Variants in ACADM observed in about 807,000 individuals in gnomAD.
The protein encoded by ACADM is medium-chain specific acyl-CoA dehydrogenase, mitochondrial.
ACADM carries 49 observed loss-of-function variants against 58.9 expected under a neutral mutation model. That is an observed-to-expected ratio of 0.83 (90% CI 0.66 to 1.06). The LOEUF (loss-of-function observed/expected upper bound fraction) is 1.06, where lower values mean the gene tolerates loss of function less well. Ranked by LOEUF, ACADM falls within the 50% of genes least tolerant of loss-of-function variation. ACADM has a pLI of 0.00. For missense variants in ACADM, 496 were observed against 507.0 expected (o/e 0.98, Z 0.21); for synonymous variants, 160 against 157.7 (o/e 1.01, Z -0.11).
rs1479877173 is a variant in ACADM, at chr1:75,761,201, G to A, written c.1025G>A (p.Trp342Ter). 1 of 1,614,122 alleles carries A rather than the reference G, an allele frequency of 6.2e-7. No homozygotes were observed. Residue 342 changes from tryptophan (W) to a stop codon, truncating the protein, a stop_gained, in exon 11 of 12, where the codon TGG becomes TAG. Coordinates refer to ENST00000370841, the MANE Select transcript of ACADM (RefSeq NM_000016.6). LOFTEE classifies it high-confidence loss of function. Reference sequence around the variant, plus strand: ...AGAATGAGTTACCAGAGAGCAGCTTGGGAGGTTGATTCTGGTCGTCGAAAT... The same window carrying A: ...AGAATGAGTTACCAGAGAGCAGCTTAGGAGGTTGATTCTGGTCGTCGAAAT... ...LARMSYQRAA[W>*]EVDSGRRNTY...
At chr1:75,730,884 T>G (rs1647136738) in intron 2 of ACADM, among the ~76,000 whole-genome samples, 1 of 152,068 alleles carries the variant, frequency 6.6e-6, no homozygotes, top group Non-Finnish European at 1.5e-5. Context: ...ATCTTAGAAG[T>G]AAAGCTGTGA....
rs1209604407 is a variant in ACADM at position 75,737,281 on chromosome 1, TATATA to T, written c.468+2411_468+2415del. Among the ~76,000 whole-genome samples the T allele has an allele frequency of 4.6e-3, 92 of 20,102 alleles. 4 individuals carry two copies. Among genetic ancestry groups the T allele is most frequent in the African/African-American group, 9.7e-3 (88 of 9,040 alleles). The allele number at this position is 20,102 out of a possible 152,430, so 13.2% of individuals were successfully genotyped here. A position where few individuals can be genotyped will look rare whatever the true frequency, so the allele number is the denominator to read the frequency against. On this transcript the variant is annotated intron_variant, in intron 6 of 11. Transcript: ENST00000370841. ...GACTGCCACCACACACACACACAAA[TATATA>T]TATATATATATATATATATATATAT...
intron 7 of ACADM, chr1:75,743,411 G>T: frequency 6.2e-7 from 1 of 1,608,934 alleles, no homozygotes; most frequent in Non-Finnish European, 8.5e-7. Context: ...GGGTGTGTGG[G>T]TTCCTCCTAA....
chr1:75,743,129 G>A (rs1485026140), intron 7 of ACADM, among the ~76,000 whole-genome samples: 3 of 152,116 alleles, frequency 2.0e-5, no homozygotes. Flanking sequence ...TCTTTGCAGA[G>A]AGCTGATGGA....
In ACADM at chr1:75,762,817, C is replaced by T; in HGVS notation, c.*54C>T. 3 of 1,165,650 alleles carry T rather than the reference C, an allele frequency of 2.6e-6. No homozygotes were observed. The highest frequency in any genetic ancestry group is 3.8e-6 in the Non-Finnish European group (3 of 794,078). The allele number at this position is 1,165,650 out of a possible 1,614,324, so 72.2% of individuals were successfully genotyped here. On this transcript the variant is annotated 3_prime_UTR_variant, in exon 12 of 12. Transcript: ENST00000370841. ...TAGAACACAAGCCACTGTTTCAGCT[C>T]CAGAAAAAAGAAAGGGCTTTAACGT...
chr1:75,739,829 G>A, intron 6 of ACADM, 151 bp from the exon 7 acceptor site: 2 of 555,142 alleles, frequency 3.6e-6, no homozygotes, highest in Non-Finnish European at 5.8e-6. Flanking sequence ...TTACATTTGA[G>A]TGGTTTCTTT....
At chr1:75,745,266 C>T (rs917982790) in intron 7 of ACADM, among the ~76,000 whole-genome samples, 2 of 152,104 alleles carry the variant, frequency 1.3e-5, no homozygotes, top group Middle Eastern at 3.2e-3. Flanking sequence ...GTGGGAAGAT[C>T]CCTTGAGTCC....
At chr1:75,743,387 A>G (rs766420974) in intron 7 of ACADM, 74 of 1,600,162 alleles carry the variant, frequency 4.6e-5, no homozygotes, top group Non-Finnish European at 5.8e-5. Context: ...CAGTTCCTGC[A>G]TGATCAATTT....
chr1:75,748,739 G>A (rs911198903), intron 8 of ACADM, among the ~76,000 whole-genome samples: 2 of 152,176 alleles, frequency 1.3e-5, no homozygotes, highest in Non-Finnish European at 2.9e-5. Flanking sequence ...TGACTATAAA[G>A]GGAGAACAAG....
intron 6 of ACADM, among the ~76,000 whole-genome samples, chr1:75,739,520 T>C (rs1647448394): frequency 6.6e-6 from 1 of 152,234 alleles, no homozygotes; most frequent in African/African-American, 2.4e-5. Context: ...TAAGTGTTTT[T>C]AGGCCAGGCA....
At chr1:75,749,712 CTTTTTTT>C (rs35897798) in intron 9 of ACADM, among the ~76,000 whole-genome samples, 153 bp downstream of exon 9, 4 of 118,162 alleles carry the variant, frequency 3.4e-5, no homozygotes, top group Admixed American at 2.6e-4. Flanking sequence ...ACTTTTCTTT[CTTTTTTT>C]TTTTTTTTTT....
chr1:75,749,279 CT>C, intron 8 of ACADM, 139 bp from the exon 9 acceptor site: 2 of 799,424 alleles, frequency 2.5e-6, no homozygotes, highest in Non-Finnish European at 2.1e-6. Flanking sequence ...ATCAGGCTTT[CT>C]TTGCAAAACA....
chr1:75,747,311 T>C (rs982259503), intron 8 of ACADM, among the ~76,000 whole-genome samples: 6 of 151,784 alleles, frequency 4.0e-5, no homozygotes, highest in African/African-American at 1.5e-4. Context: ...TAAATATTTA[T>C]GTAGTGCATA....
At chr1:75,740,189 T>C in intron 7 of ACADM, 79 bp downstream of exon 7, 1 of 1,397,542 alleles carries the variant, frequency 7.2e-7, no homozygotes, top group East Asian at 2.5e-5. Context: ...TGTATATTTT[T>C]AAACCACTAC....
At chr1:75,757,696 C>T (rs1767455) in intron 10 of ACADM, among the ~76,000 whole-genome samples, 56,911 of 152,080 alleles carry the variant, frequency 0.37, 11,698 homozygotes, top group African/African-American at 0.55. Context: ...CCCAGCAATC[C>T]CATTGCTGGG....
chr1:75,751,810 C>G (rs533416246), intron 10 of ACADM, among the ~76,000 whole-genome samples: 19 of 152,142 alleles, frequency 1.2e-4, no homozygotes, highest in African/African-American at 4.6e-4. Flanking sequence ...ATGTTATACT[C>G]TTAATTCTTG....
intron 7 of ACADM, among the ~76,000 whole-genome samples, chr1:75,740,313 G>T (rs552971574): frequency 6.6e-6 from 1 of 152,260 alleles, no homozygotes; most frequent in African/African-American, 2.4e-5. Flanking sequence ...ACTCTCAGAA[G>T]TTTAATGTGT....
Position 75,736,889 on chromosome 1 carries a change from CAGTT to C in ACADM, c.468+2021_468+2024del, listed in dbSNP as rs919840602. ...TTTAAATATGTAATTGTGTTTTTAA[CAGTT>C]AGCCCCCATTATATACATGTAGTTT... On this transcript the variant is annotated intron_variant, in intron 6 of 11. Coordinates refer to ENST00000370841, the MANE Select transcript of ACADM (RefSeq NM_000016.6). Among the ~76,000 whole-genome samples, 5 of 152,010 alleles carry C rather than the reference CAGTT, an allele frequency of 3.3e-5. No individual in the cohort carries two copies. In the East Asian group the frequency reaches 7.7e-4, roughly 23 times the overall value.
intron 1 of ACADM, among the ~76,000 whole-genome samples, chr1:75,725,039 A>G (rs1290722369): frequency 2.0e-5 from 3 of 152,082 alleles, no homozygotes; most frequent in Non-Finnish European, 1.5e-5. Flanking sequence ...CGACCCCGTT[A>G]TAGCCGGCAT....
Sources: gnomAD v4.1 joint callset for allele counts (sites outside exome capture counted in the v4.1 genomes callset) on GRCh38, gnomAD v4.1.1 for gene constraint, MANE v1.5 for transcripts, NCBI Gene and HGNC (gene_info 2026-07-23, HGNC 2026-07-21) for gene names.